Variants in CIB4 observed in about 807,000 individuals in gnomAD.
The protein encoded by CIB4 is calcium and integrin-binding family member 4.
CIB4 carries 25 observed loss-of-function variants against 25.8 expected under a neutral mutation model. That is an observed-to-expected ratio of 0.97 (90% CI 0.71 to 1.35). CIB4 has a LOEUF of 1.35. Among genes scored for constraint, CIB4 ranks in the 40% most tolerant of loss-of-function variants. CIB4 has a pLI of 0.00. For synonymous variants in CIB4, 75 were observed against 81.4 expected, an observed-to-expected ratio of 0.92 and a Z score of 0.42; for missense variants, 235 against 228.2, an observed-to-expected ratio of 1.03 and a Z score of -0.19.
chr2:26,626,391 A>C (rs1479381127), intron 3 of CIB4, among the ~76,000 whole-genome samples: 1 of 112,042 alleles, frequency 8.9e-6, no homozygotes, highest in East Asian at 2.3e-4. Context: ...AGAAAAAAAA[A>C]GCAACATACA....
intron 4 of CIB4, among the ~76,000 whole-genome samples, chr2:26,594,509 T>C (rs55970911): frequency 0.017 from 2,650 of 152,340 alleles, 43 homozygotes; most frequent in South Asian, 0.032. Flanking sequence ...CAAGTCTAAA[T>C]GTGCAAGTCC....
chr2:26,588,578 C>A (rs1470624452), intron 4 of CIB4, among the ~76,000 whole-genome samples: 1 of 152,234 alleles, frequency 6.6e-6, no homozygotes, highest in Non-Finnish European at 1.5e-5. Context: ...TTACTACTTG[C>A]AGTTTCCCAG....
chr2:26,627,994 C>A lies in CIB4; in HGVS notation c.186+1416G>T, dbSNP rs940031081. On this transcript the variant is annotated intron_variant, in intron 3 of 6. Transcript: ENST00000288861. This position sits in a 1 kb window ranked among gnomAD's most constrained non-coding sequence, Gnocchi z 4.0. ...CCCCAGGCCTCTTCCAAGTGGTGGC[C>A]ACAGTTCTCAGAGCCCAGTTCGTTC... Among the ~76,000 whole-genome samples, 1 of 152,136 alleles carries A rather than the reference C, an allele frequency of 6.6e-6. No individual in the cohort carries two copies. The highest frequency in any genetic ancestry group is 6.5e-5 in the Admixed American group (1 of 15,278).
At chr2:26,599,797 G>A (rs1366921227) in intron 3 of CIB4, among the ~76,000 whole-genome samples, 8 of 151,978 alleles carry the variant, frequency 5.3e-5, no homozygotes, top group Non-Finnish European at 7.4e-5. Flanking sequence ...ATGATTGGCC[G>A]GGCATGGTGG....
intron 3 of CIB4, among the ~76,000 whole-genome samples, chr2:26,629,047 G>C (rs1160087875): frequency 6.6e-6 from 1 of 152,188 alleles, no homozygotes; most frequent in Non-Finnish European, 1.5e-5. Flanking sequence ...CCATAGGCTG[G>C]CCTCGGAGGC....
intron 3 of CIB4, chr2:26,605,496 A>G: frequency 2.1e-6 from 1 of 470,874 alleles, no homozygotes; most frequent in Non-Finnish European, 4.4e-6. Context: ...AAGTTGCTGG[A>G]CTCACCTGCG....
In CIB4 at chr2:26,613,113, C is replaced by T. The variant is rs546806843; in HGVS notation, c.186+16297G>A. Among the ~76,000 whole-genome samples, 6 of 152,314 alleles carry T rather than the reference C, an allele frequency of 3.9e-5. No individual in the cohort carries two copies. The East Asian group carries it at 1.2e-3, about 29-fold the overall frequency. On this transcript the variant is annotated intron_variant, in intron 3 of 6. Coordinates refer to ENST00000288861, the MANE Select transcript of CIB4 (RefSeq NM_001029881.3). ...TCTCTCCTCCTCATCTCAGCTTCAG[C>T]TTTCTAGGAGAGTGGGTTTTTCCCA...
rs182655809 is a variant in CIB4 at position 26,594,942 on chromosome 2, C to G, written c.328+234G>C. On this transcript the variant is annotated intron_variant, in intron 4 of 6. Transcript: ENST00000288861. ...ACCACACACTACCAGCAAATATCAA[C>G]GCCAATGACCCCATTGCCCTCTGAT... is the stretch of plus-strand genomic sequence containing the variant. Among the ~76,000 whole-genome samples, 60 of 152,256 alleles carry G rather than the reference C, an allele frequency of 3.9e-4. No individual in the cohort carries two copies. In the South Asian group the frequency reaches 8.5e-3, roughly 22 times the overall value.
At position 26,581,324 on chromosome 2, in the gene CIB4, T is replaced by C. The variant is rs1359747150; in HGVS notation, c.*39A>G. 6.3e-7 allele frequency: 1 copy of C among 1,588,672 alleles called. No homozygotes were observed. Among genetic ancestry groups the C allele is most frequent in the Non-Finnish European group, 8.6e-7 (1 of 1,157,148 alleles). On this transcript the variant is annotated 3_prime_UTR_variant, in exon 7 of 7. Transcript: ENST00000288861. ...GCTGGAGGGGGTTCGATTCCTGTGG[T>C]CTCCCTCGAGGCTGCCATGTCAGGT... is the stretch of plus-strand genomic sequence containing the variant.
chr2:26,638,805 T>C (rs1437033329), intron 2 of CIB4, among the ~76,000 whole-genome samples: 1 of 151,940 alleles, frequency 6.6e-6, no homozygotes, highest in East Asian at 1.9e-4. Flanking sequence ...TACAAAAATT[T>C]GCCGGGCGTG....
intron 4 of CIB4, among the ~76,000 whole-genome samples, chr2:26,589,107 CCTCTTCTTCTTCT>C (rs1558555135): frequency 2.9e-4 from 27 of 92,324 alleles, no homozygotes; most frequent in African/African-American, 1.2e-3. Flanking sequence ...TCTTCTTCTT[CCTCTTCTTCTTCT>C]TCTTCTTCTT....
intron 3 of CIB4, among the ~76,000 whole-genome samples, chr2:26,601,286 G>A (rs1222830037): frequency 7.1e-6 from 1 of 141,472 alleles, no homozygotes; most frequent in East Asian, 2.0e-4. Context: ...TAAGCCTTTA[G>A]TAATTAATGT....
At chr2:26,591,395 G>A (rs1668583556) in intron 4 of CIB4, among the ~76,000 whole-genome samples, 1 of 152,218 alleles carries the variant, frequency 6.6e-6, no homozygotes, top group Non-Finnish European at 1.5e-5. Flanking sequence ...TAGCAGATCT[G>A]CAGAAGGAGA....
intron 3 of CIB4, among the ~76,000 whole-genome samples, chr2:26,610,003 C>T (rs1032520289): frequency 6.6e-6 from 1 of 152,258 alleles, no homozygotes; most frequent in Non-Finnish European, 1.5e-5. Context: ...AGAACATTCG[C>T]TCCTCTGCTT....
At chr2:26,637,208 C>T (rs1303400442) in intron 2 of CIB4, among the ~76,000 whole-genome samples, 1 of 152,118 alleles carries the variant, frequency 6.6e-6, no homozygotes, top group Non-Finnish European at 1.5e-5. Context: ...TTTCAATCTG[C>T]CTTTCTGTTT....
At chr2:26,639,284 T>C (rs1311134108) in intron 2 of CIB4, among the ~76,000 whole-genome samples, 1 of 152,052 alleles carries the variant, frequency 6.6e-6, no homozygotes, top group South Asian at 2.1e-4. Flanking sequence ...GTCATGGTGG[T>C]TTGCTGCACC....
At chr2:26,588,961 G>T (rs892605531) in intron 4 of CIB4, among the ~76,000 whole-genome samples, 1 of 149,270 alleles carries the variant, frequency 6.7e-6, no homozygotes, top group Non-Finnish European at 1.5e-5. Flanking sequence ...GGCTGCTGCC[G>T]CTGCTGCCGC....
At chr2:26,615,877 C>T (rs1669082515) in intron 3 of CIB4, among the ~76,000 whole-genome samples, 1 of 152,244 alleles carries the variant, frequency 6.6e-6, no homozygotes, top group South Asian at 2.1e-4. Flanking sequence ...ATTCTGAGCC[C>T]TGCTAACTGA....
intron 4 of CIB4, among the ~76,000 whole-genome samples, chr2:26,587,571 C>T (rs1308866866): frequency 6.6e-6 from 1 of 151,854 alleles, no homozygotes. Context: ...TGGACATCAC[C>T]TGGAATATAG....
Sources: allele counts gnomAD v4.1 joint callset (sites outside exome capture counted in the v4.1 genomes callset), GRCh38; gene constraint gnomAD v4.1.1; non-coding constraint Gnocchi (gnomAD v3.1); transcripts MANE v1.5; gene names NCBI Gene and HGNC (gene_info 2026-07-23, HGNC 2026-07-21).